The following DSN1 variants were observed in gnomAD, a reference collection of about 807,000 sequenced individuals.
The protein encoded by DSN1 is DSN1 component of MIS12 kinetochore complex, also known as kinetochore-associated protein DSN1 homolog.
Under a neutral mutation model 45.7 loss-of-function variants are expected in DSN1, and 31 were observed. The ratio of observed to expected loss-of-function variants is 0.68; its 90% CI spans 0.51 to 0.92. DSN1 has a LOEUF of 0.92. DSN1 is among the 40% of genes least tolerant of loss of function. The probability of loss-of-function intolerance (pLI) is 0.00; values close to 1 mark genes in which losing one functional copy is unlikely to be tolerated. For synonymous variants in DSN1, 134 were observed against 142.3 expected (o/e 0.94, Z 0.41); for missense variants, 394 against 414.2 (o/e 0.95, Z 0.42).
At chr20:36,757,687 T>G (rs1986750966) in intron 8 of DSN1, among the ~76,000 whole-genome samples, 1 of 152,246 alleles carries the variant, frequency 6.6e-6, no homozygotes, top group African/African-American at 2.4e-5. Context: ...TTTCATGTCT[T>G]TCTGTCTCCA....
chr20:36,766,732 C>G (rs1987360395), intron 5 of DSN1, 37 bp downstream of exon 5: 1 of 1,562,392 alleles, frequency 6.4e-7, no homozygotes, highest in Non-Finnish European at 8.8e-7. Context: ...GCTTTGACTG[C>G]CCAGGGTCAA....
At chr20:36,769,796 A>C (rs1408331578) in intron 3 of DSN1, among the ~76,000 whole-genome samples, 1 of 151,848 alleles carries the variant, frequency 6.6e-6, no homozygotes, top group African/African-American at 2.4e-5. Flanking sequence ...TTTCCACGTT[A>C]TGTTCTGTAC....
chr20:36,755,770 G>T lies in DSN1; in HGVS notation c.785C>A (p.Ser262Tyr), dbSNP rs191089619. The stretch of plus-strand genomic sequence containing the variant: ...TGTATTAAGAACTTCATTCTGAGAA[G>T]ACCCAAGATATGTCATAGGTTCCAC... ...VKVEPMTYLGSSQNEVLNTKP... is the reference protein window; with the variant it reads ...VKVEPMTYLGYSQNEVLNTKP... Residue 262 changes from serine to tyrosine, a missense_variant, in exon 9 of 11, where the codon TCT becomes TAT. Ser to Tyr is a moderately radical substitution (Grantham distance 144). Transcript: ENST00000373750. 34 of 1,614,004 alleles carry T rather than the reference G, an allele frequency of 2.1e-5. No individual in the cohort carries two copies. In the Admixed American group the frequency reaches 5.2e-4, roughly 25 times the overall value.
At chr20:36,772,162 G>A (rs1238785838) in intron 1 of DSN1, among the ~76,000 whole-genome samples, 1 of 152,102 alleles carries the variant, frequency 6.6e-6, no homozygotes. Context: ...TTACAGGCGT[G>A]AGCCACCACG....
intron 1 of DSN1, among the ~76,000 whole-genome samples, chr20:36,772,530 C>T (rs1275130834): frequency 6.6e-6 from 1 of 152,190 alleles, no homozygotes; most frequent in Admixed American, 6.5e-5. Context: ...CTCAGGTGAT[C>T]CGCCCGGCCT....
Position 36,773,739 on chromosome 20 carries a change from C to G in DSN1, c.-93G>C. ...GCCTTGCGCACCCGCAGCCGATACT[C>G]CCTGATCAGGGTGAAGCGGTCTCCA... is the stretch of plus-strand genomic sequence containing the variant. On this transcript the variant is annotated 5_prime_UTR_variant, in exon 1 of 11. Transcript: ENST00000373750. 1 of 985,608 alleles carries G rather than the reference C, an allele frequency of 1.0e-6. No homozygotes were observed. Among genetic ancestry groups the G allele is most frequent in the Non-Finnish European group, 1.2e-6 (1 of 830,020 alleles). 61.1% of individuals were successfully genotyped at this position (985,608 alleles called of 1,614,324 possible). A position where few individuals can be genotyped will look rare whatever the true frequency, so the allele number is the denominator to read the frequency against.
intron 3 of DSN1, among the ~76,000 whole-genome samples, chr20:36,769,940 C>CACACACACAG (rs1180907554): frequency 1.2e-5 from 1 of 85,020 alleles, no homozygotes; most frequent in African/African-American, 4.2e-5. Flanking sequence ...CACACACACA[C>CACACACACAG]AGAGAGAGAG....
intron 3 of DSN1, among the ~76,000 whole-genome samples, chr20:36,769,340 T>C (rs1471520498): frequency 6.6e-6 from 1 of 152,350 alleles, no homozygotes; most frequent in South Asian, 2.1e-4. Context: ...AACAGGATAC[T>C]TTCTGCCTAT....
chr20:36,754,326 G>A (rs536072387), intron 10 of DSN1, among the ~76,000 whole-genome samples: 2 of 152,030 alleles, frequency 1.3e-5, no homozygotes, highest in South Asian at 2.1e-4. Context: ...ATGACAAAGC[G>A]AGAGACTTTG....
Position 36,758,442 on chromosome 20 carries a change from A to G in DSN1, c.650+116T>C, listed in dbSNP as rs192667908. ...AATATGCAGCCTTCTAACTTCTAGTATTGATGCACTAATGCTGACTCTCCA... is the reference window on the plus strand; with the variant it reads ...AATATGCAGCCTTCTAACTTCTAGTGTTGATGCACTAATGCTGACTCTCCA... On this transcript the variant is annotated intron_variant, in intron 7 of 10. Coordinates refer to ENST00000373750, the MANE Select transcript of DSN1 (RefSeq NM_001145315.2). The G allele has an allele frequency of 2.7e-4, 235 of 861,864 alleles. No homozygotes were observed. In the African/African-American group the frequency reaches 3.8e-3, roughly 14 times the overall value. The allele number at this position is 861,864 out of a possible 1,614,324, so 53.4% of individuals were successfully genotyped here.
rs1987617597 is a variant in DSN1, at chr20:36,771,018, C to T, written c.210G>A (p.Gln70=). Residue 70 remains glutamine, a synonymous_variant, in exon 3 of 11, where the codon CAG becomes CAA. Transcript: ENST00000373750. The part of the protein sequence containing the change: ...KKGGNCDLSH[Q]ERLQSKSLHL... ...GAAGGGACTTCGACTGAAGTCTTTC[C>T]TGGTGGCTGAGATCACAATTTCCCC... 2 of 1,614,190 alleles carry T rather than the reference C, an allele frequency of 1.2e-6. No individual in the cohort carries two copies.
Position 36,766,764 on chromosome 20 carries a change from C to T in DSN1, c.502+5G>A. The T allele has an allele frequency of 6.2e-7, 1 of 1,609,982 alleles. No individual in the cohort carries two copies. The highest frequency in any genetic ancestry group is 8.5e-7 in the Non-Finnish European group (1 of 1,179,002). On this transcript the variant is annotated splice_donor_5th_base_variant and intron_variant, in intron 5 of 10. Coordinates refer to ENST00000373750, the MANE Select transcript of DSN1 (RefSeq NM_001145315.2). The stretch of plus-strand genomic sequence containing the variant: ...TCAAAGCTCACTCATCTGTTAGCAA[C>T]TTACCTTTGGCTCTAAAACTTTCAA...
At chr20:36,754,911 C>G in intron 9 of DSN1, 61 bp from the exon 10 acceptor site, 1 of 1,452,294 alleles carries the variant, frequency 6.9e-7, no homozygotes, top group Non-Finnish European at 9.6e-7. Flanking sequence ...GTTCCTCAAA[C>G]CTGACAAGCA....
At chr20:36,771,216 CA>C in intron 2 of DSN1, 23 bp from the exon 3 acceptor site, 3 of 1,498,570 alleles carry the variant, frequency 2.0e-6, no homozygotes, top group Non-Finnish European at 2.7e-6. Context: ...ATAAAAAAGT[CA>C]AAATACAAGA....
In DSN1 at chr20:36,754,133, G is replaced by C. The variant is rs1331542127; in HGVS notation, c.961+630C>G. ...ACTTGAGCCCAGGAGTTGAAGACCA[G>C]CCTGGACAAACAGGGGGACCCCATC... On this transcript the variant is annotated intron_variant, in intron 10 of 10. Coordinates refer to ENST00000373750, the MANE Select transcript of DSN1 (RefSeq NM_001145315.2). Among the ~76,000 whole-genome samples, 19 of 152,104 alleles carry C rather than the reference G, an allele frequency of 1.2e-4. 1 individual carries two copies. Among genetic ancestry groups the C allele is most frequent in the Admixed American group, 1.0e-3 (16 of 15,272 alleles).
chr20:36,770,677 A>C (rs1014197634), intron 3 of DSN1, among the ~76,000 whole-genome samples, 196 bp downstream of exon 3: 3 of 152,228 alleles, frequency 2.0e-5, no homozygotes, highest in African/African-American at 2.4e-5. Flanking sequence ...TAGACAAAAC[A>C]GCAACATCCT....
At chr20:36,756,864 G>A (rs577827337) in intron 8 of DSN1, among the ~76,000 whole-genome samples, 3 of 152,222 alleles carry the variant, frequency 2.0e-5, no homozygotes, top group South Asian at 4.2e-4. Context: ...AGTATGTAAG[G>A]GGTGAATAAA....
chr20:36,771,225 A>C (rs1987633695), intron 2 of DSN1, 32 bp from the exon 3 acceptor site: 1 of 1,557,496 alleles, frequency 6.4e-7, no homozygotes, highest in African/African-American at 1.4e-5. Flanking sequence ...TCAAAATACA[A>C]GATCAAGCCC....
rs1216177517 is a variant in DSN1, at chr20:36,771,029, G to A, written c.199C>T (p.Leu67Phe). The A allele has an allele frequency of 1.9e-6, 3 of 1,614,176 alleles. No individual in the cohort carries two copies. Among genetic ancestry groups the A allele is most frequent in the Non-Finnish European group, 2.5e-6 (3 of 1,180,044 alleles). ...SSPKKGGNCD[L>F]SHQERLQSKS... is the part of the protein sequence containing the mutation. ...GACTGAAGTCTTTCCTGGTGGCTGA[G>A]ATCACAATTTCCCCCTTTTTTAGGG... The change falls in exon 3 of 11, where the codon CTC becomes TTC. Residue 67 changes from leucine to phenylalanine, a missense_variant. Coordinates refer to ENST00000373750, the MANE Select transcript of DSN1 (RefSeq NM_001145315.2).
Sources: gnomAD v4.1 joint callset for allele counts (sites outside exome capture counted in the v4.1 genomes callset) on GRCh38, gnomAD v4.1.1 for gene constraint, MANE v1.5 for transcripts, NCBI Gene and HGNC (gene_info 2026-07-23, HGNC 2026-07-21) for gene names.